SLC15A5: variants seen among roughly 807,000 people sequenced by gnomAD.
SLC15A5 encodes solute carrier family 15 member 5.
In SLC15A5, 58 loss-of-function variants were observed where a neutral mutation model predicts 56.1. That is an observed-to-expected ratio of 1.03 (90% confidence interval 0.84 to 1.29). The LOEUF (loss-of-function observed/expected upper bound fraction) is 1.29, where lower values mean the gene tolerates loss of function less well. Ranked by LOEUF, SLC15A5 falls within the 50% of genes most tolerant of loss-of-function variation. SLC15A5 has a pLI of 0.00. For missense variants in SLC15A5, 681 were observed against 672.1 expected, an observed-to-expected ratio of 1.01 and a Z score of -0.15; for synonymous variants, 264 against 250.5, an observed-to-expected ratio of 1.05 and a Z score of -0.51.
intron 3 of SLC15A5, among the ~76,000 whole-genome samples, chr12:16,252,154 A>G (rs1345266956): frequency 6.6e-6 from 1 of 152,052 alleles, no homozygotes; most frequent in East Asian, 1.9e-4. Flanking sequence ...AATAGCAGGA[A>G]ACTACCTTAA....
chr12:16,212,030 G>A (rs1864086797), intron 7 of SLC15A5, among the ~76,000 whole-genome samples: 1 of 152,092 alleles, frequency 6.6e-6, no homozygotes, highest in African/African-American at 2.4e-5. Context: ...CACATGCTCA[G>A]CTGACATGAA....
intron 5 of SLC15A5, among the ~76,000 whole-genome samples, chr12:16,225,249 G>A (rs1423973688): frequency 1.3e-5 from 2 of 152,162 alleles, no homozygotes; most frequent in Admixed American, 6.5e-5. Context: ...ACCCAGTAAT[G>A]GGATGGTTGG....
chr12:16,240,641 C>G (rs539723098), intron 4 of SLC15A5, among the ~76,000 whole-genome samples: 1 of 152,096 alleles, frequency 6.6e-6, no homozygotes, highest in Admixed American at 6.5e-5. Context: ...AAAATAACCC[C>G]AATGCTAACT....
chr12:16,257,610 G>T, intron 3 of SLC15A5, 91 bp downstream of exon 3: 1 of 1,058,344 alleles, frequency 9.4e-7, no homozygotes, highest in Non-Finnish European at 1.2e-6. Flanking sequence ...ATTCTGAGTT[G>T]AAAGAGAAGT....
At chr12:16,233,588 G>A (rs764878606) in intron 5 of SLC15A5, among the ~76,000 whole-genome samples, 12 of 152,162 alleles carry the variant, frequency 7.9e-5, no homozygotes, top group Non-Finnish European at 1.3e-4. Context: ...TTAGTCATCC[G>A]CTTTTATTAC....
chr12:16,227,010 G>A (rs905787828), intron 5 of SLC15A5, among the ~76,000 whole-genome samples: 2 of 152,078 alleles, frequency 1.3e-5, no homozygotes, highest in Non-Finnish European at 2.9e-5. Context: ...GGTTGATAGA[G>A]AAACTGGTAG....
chr12:16,257,649 G>A (rs1363791297), intron 3 of SLC15A5, 52 bp downstream of exon 3: 1 of 1,280,182 alleles, frequency 7.8e-7, no homozygotes, highest in Non-Finnish European at 1.0e-6. Context: ...AAGGATATCT[G>A]TCAAGAAAAC....
Position 16,243,059 on chromosome 12 carries a change from C to T in SLC15A5, c.975+1521G>A, listed in dbSNP as rs893640406. On this transcript the variant is annotated intron_variant, in intron 4 of 8. Transcript: ENST00000344941. The surrounding 1 kb of genome is among the most constrained non-coding windows in gnomAD (Gnocchi z 4.4). ...GTAAAGGGCCAGATAGTAAATATGTCCACATATGGGTTCCGTGGCAATTAC... is the reference window on the plus strand; with the variant it reads ...GTAAAGGGCCAGATAGTAAATATGTTCACATATGGGTTCCGTGGCAATTAC... Among the ~76,000 whole-genome samples the T allele has an allele frequency of 1.3e-5, 2 of 152,090 alleles. No individual in the cohort carries two copies. The highest frequency in any genetic ancestry group is 4.8e-5 in the African/African-American group (2 of 41,408).
chr12:16,215,881 CT>C (rs1303893178), intron 7 of SLC15A5, among the ~76,000 whole-genome samples: 1 of 152,108 alleles, frequency 6.6e-6, no homozygotes, highest in Non-Finnish European at 1.5e-5. Context: ...TTCCTGAGGG[CT>C]TGCAAGTGTT....
At chr12:16,203,417 T>C (rs1354325643) in intron 7 of SLC15A5, among the ~76,000 whole-genome samples, 1 of 152,126 alleles carries the variant, frequency 6.6e-6, no homozygotes, top group African/African-American at 2.4e-5. Flanking sequence ...ATAAAGATGA[T>C]TTAATATTGA....
chr12:16,203,760 A>T (rs1200762890), intron 7 of SLC15A5, among the ~76,000 whole-genome samples: 7 of 152,196 alleles, frequency 4.6e-5, no homozygotes, highest in African/African-American at 1.7e-4. Flanking sequence ...GGAAATAAGG[A>T]TAAAAATTAC....
In SLC15A5 at chr12:16,196,934, A is replaced by T. The variant is rs1004906123; in HGVS notation, c.1484-2481T>A. ...CACCAGAGCACTCTCATCACTGGGG[A>T]TGCTGTGGAAAACAGAAATGACAAG... On this transcript the variant is annotated intron_variant, in intron 7 of 8. Coordinates refer to ENST00000344941, the MANE Select transcript of SLC15A5 (RefSeq NM_001170798.1). This position sits in a 1 kb window ranked among gnomAD's most constrained non-coding sequence, Gnocchi z 4.0. Among the ~76,000 whole-genome samples, 1 of 152,080 alleles carries T rather than the reference A, an allele frequency of 6.6e-6. No individual in the cohort carries two copies. Among genetic ancestry groups the T allele is most frequent in the Non-Finnish European group, 1.5e-5 (1 of 68,010 alleles).
intron 8 of SLC15A5, among the ~76,000 whole-genome samples, 156 bp from the exon 9 acceptor site, chr12:16,189,971 C>G (rs1863825463): frequency 6.6e-6 from 1 of 152,126 alleles, no homozygotes; most frequent in Admixed American, 6.6e-5. Flanking sequence ...ACCAAAACAG[C>G]CTTTTTAAAA....
At chr12:16,216,466 C>A (rs1255322025) in intron 7 of SLC15A5, among the ~76,000 whole-genome samples, 1 of 152,116 alleles carries the variant, frequency 6.6e-6, no homozygotes. Context: ...ATTCAATTCA[C>A]AATTTCTCTT....
At chr12:16,241,830 TTAACTTAA>T (rs1864417047) in intron 4 of SLC15A5, among the ~76,000 whole-genome samples, 2 of 44,896 alleles carry the variant, frequency 4.5e-5, no homozygotes, top group South Asian at 1.3e-3. Flanking sequence ...CAGAAATATG[TTAACTTAA>T]TAATGTGGCA....
intron 5 of SLC15A5, among the ~76,000 whole-genome samples, chr12:16,227,190 C>T (rs1864250968): frequency 6.6e-6 from 1 of 152,000 alleles, no homozygotes; most frequent in South Asian, 2.1e-4. Context: ...ACTATAAAGG[C>T]TTATTCATAG....
chr12:16,241,091 G>T (rs1330948681), intron 4 of SLC15A5, among the ~76,000 whole-genome samples: 1 of 152,154 alleles, frequency 6.6e-6, no homozygotes, highest in African/African-American at 2.4e-5. Context: ...GGGATTACAG[G>T]TGTGAGCCAC....
In SLC15A5 at chr12:16,257,839, T is replaced by C. The variant is rs1038361525; in HGVS notation, c.616A>G (p.Ile206Val). ...ATGTAAGATATTCCCAGAAACACAATAGTTGCATTTAGGTTCATGAGCCAA... is the reference window on the plus strand; with the variant it reads ...ATGTAAGATATTCCCAGAAACACAACAGTTGCATTTAGGTTCATGAGCCAA... ...FYWLMNLNAT[I>V]VFLGISYIQH... The change falls in exon 3 of 9, where the codon ATT (isoleucine) becomes GTT (valine). Residue 206 changes from isoleucine (I) to valine (V), a missense_variant. Transcript: ENST00000344941. 4.0e-6 allele frequency: 6 copies of C among 1,506,750 alleles called. No homozygotes were observed. The African/African-American group carries it at 7.0e-5, about 18-fold the overall frequency. 93.3% of individuals were successfully genotyped at this position (1,506,750 alleles called of 1,614,324 possible). A position where few individuals can be genotyped will look rare whatever the true frequency, so the allele number is the denominator to read the frequency against.
At chr12:16,268,751 T>G (rs1362297939) in intron 2 of SLC15A5, among the ~76,000 whole-genome samples, 1 of 152,122 alleles carries the variant, frequency 6.6e-6, no homozygotes, top group East Asian at 1.9e-4. Context: ...TTCAAAGGCA[T>G]CACTAGATTT....
Sources: gnomAD v4.1 joint callset for allele counts (sites outside exome capture counted in the v4.1 genomes callset) on GRCh38, gnomAD v4.1.1 for gene constraint, Gnocchi (gnomAD v3.1) non-coding constraint, MANE v1.5 for transcripts, NCBI Gene and HGNC (gene_info 2026-07-23, HGNC 2026-07-21) for gene names.